The following ARHGAP6 variants were observed in gnomAD, a reference collection of about 807,000 sequenced individuals.
ARHGAP6 encodes the protein Rho GTPase activating protein 6, also known as rho GTPase-activating protein 6.
In ARHGAP6, 16 loss-of-function variants were observed where a neutral mutation model predicts 55.7. That is an observed-to-expected ratio of 0.29 (90% confidence interval 0.19 to 0.44). ARHGAP6 has a LOEUF of 0.44. Ranked by LOEUF, ARHGAP6 falls within the 20% of genes least tolerant of loss-of-function variation. The pLI, the probability that ARHGAP6 is intolerant of heterozygous loss-of-function variation, is 1.00. For synonymous variants in ARHGAP6, 382 were observed against 360.9 expected (o/e 1.06, Z -0.66); for missense variants, 698 against 808.9 (o/e 0.86, Z 1.66).
At chrX:11,475,907 G>C (rs1406096950) in intron 1 of ARHGAP6, among the ~76,000 whole-genome samples, 1 of 109,612 alleles carries the variant, frequency 9.1e-6, no homozygotes. Context: ...AAAACAATAG[G>C]AATGGGAAAA....
intron 1 of ARHGAP6, among the ~76,000 whole-genome samples, chrX:11,582,915 T>C (rs1268891169): frequency 9.0e-6 from 1 of 111,358 alleles, no homozygotes; most frequent in African/African-American, 3.3e-5. Context: ...AATAGAGCTA[T>C]AAAAGTTTTA....
chrX:11,543,995 A>G (rs1167493559), intron 1 of ARHGAP6, among the ~76,000 whole-genome samples: 3 of 112,651 alleles, frequency 2.7e-5, no homozygotes, highest in Non-Finnish European at 3.8e-5. Context: ...TGTACAAGGA[A>G]ATTGACTTAA....
chrX:11,566,782 A>G (rs985312433), intron 1 of ARHGAP6, among the ~76,000 whole-genome samples: 3 of 112,470 alleles, frequency 2.7e-5, no homozygotes, highest in Non-Finnish European at 5.6e-5. Context: ...AGGCCATGAG[A>G]GCAAAAAAGG....
chrX:11,216,530 G>A (rs1043224363), intron 2 of ARHGAP6, among the ~76,000 whole-genome samples: 9 of 111,605 alleles, frequency 8.1e-5, no homozygotes, highest in African/African-American at 2.0e-4. Flanking sequence ...GCATGTGCCT[G>A]TAATCCCAAC....
chrX:11,500,400 G>GC (rs111624938), intron 1 of ARHGAP6, among the ~76,000 whole-genome samples: 9,729 of 110,178 alleles, frequency 0.088, 512 homozygotes, highest in East Asian at 0.18. Context: ...GGTGACTCAC[G>GC]CTGTAATCCC....
chrX:11,176,249 A>C (rs2046213539), intron 8 of ARHGAP6, among the ~76,000 whole-genome samples: 2 of 67,957 alleles, frequency 2.9e-5, no homozygotes, highest in African/African-American at 9.8e-5. Flanking sequence ...ATATATATAT[A>C]TATATATATA....
In ARHGAP6 at chrX:11,254,599, A is replaced by G; in HGVS notation, c.697T>C (p.Tyr233His). 4 of 1,210,834 alleles carry G rather than the reference A, an allele frequency of 3.3e-6. No individual in the cohort carries two copies. Among genetic ancestry groups the G allele is most frequent in the Non-Finnish European group, 4.5e-6 (4 of 895,318 alleles). Residue 233 changes from tyrosine (Y) to histidine (H), a missense_variant, in exon 2 of 13, where the codon TAT becomes CAT. This residue lies in a region of ARHGAP6 where 322 missense variants were observed against 451.1 expected (regional missense o/e 0.71). Transcript: ENST00000337414. ...AGGTCACAGTCCTGTTGCAACTGAT[A>G]AAAAGCCACTTCCTGCAGCCGGGCC... The part of the protein sequence containing the change: ...ERARLQEVAF[Y>H]QLQQDCDLSC...
At chrX:11,338,157 C>G (rs2048663131) in intron 1 of ARHGAP6, among the ~76,000 whole-genome samples, 1 of 111,318 alleles carries the variant, frequency 9.0e-6, no homozygotes, top group African/African-American at 3.3e-5. Flanking sequence ...ACCATGCTGA[C>G]CGTCAAATGT....
chrX:11,230,767 CAT>C (rs1404816795), intron 2 of ARHGAP6, among the ~76,000 whole-genome samples: 1 of 110,205 alleles, frequency 9.1e-6, no homozygotes, highest in African/African-American at 3.3e-5. Flanking sequence ...CACACACACA[CAT>C]ATATATGACT....
At chrX:11,537,219 C>T (rs779621826) in intron 1 of ARHGAP6, among the ~76,000 whole-genome samples, 3 of 112,257 alleles carry the variant, frequency 2.7e-5, no homozygotes, top group East Asian at 5.6e-4. Flanking sequence ...AGATACTTTG[C>T]CTTAAGAGAC....
intron 1 of ARHGAP6, among the ~76,000 whole-genome samples, chrX:11,450,563 T>C (rs73500862): frequency 0.16 from 17,278 of 110,852 alleles, 1,538 homozygotes; most frequent in African/African-American, 0.33. Context: ...CTTCCAAGGC[T>C]GAACATCTCC....
rs765516039 is a variant in ARHGAP6 at position 11,139,141 on chromosome X, G to C, written c.2647C>G (p.Pro883Ala). 2 of 1,204,328 alleles carry C rather than the reference G, an allele frequency of 1.7e-6. No individual in the cohort carries two copies. The highest frequency in any genetic ancestry group is 2.2e-6 in the Non-Finnish European group (2 of 893,128). ...GCGGGCTTCCCTGGGCCCGGGTATG[G>C]AGGCGGGGGCCGCTTGTCATCCCTC... Reference protein sequence around the residue: ...SGRDDKRPPPPYPGPGKPAAA... With the variant: ...SGRDDKRPPPAYPGPGKPAAA... Residue 883 changes from proline to alanine, a missense_variant, in exon 13 of 13, where the codon CCA (proline) becomes GCA (alanine). By Grantham distance (27) the Pro-to-Ala change is conservative. Around this residue, in one of 3 missense-constraint regions of ARHGAP6, gnomAD observed 212 missense variants for 208.7 expected, o/e 1.02. Transcript: ENST00000337414.
intron 1 of ARHGAP6, among the ~76,000 whole-genome samples, chrX:11,516,392 A>G (rs1427493196): frequency 8.9e-6 from 1 of 111,753 alleles, no homozygotes; most frequent in East Asian, 2.8e-4. Flanking sequence ...CTCTATTCCC[A>G]TTAAACAACT....
chrX:11,570,057 G>A (rs1189713046), intron 1 of ARHGAP6, among the ~76,000 whole-genome samples: 1 of 111,986 alleles, frequency 8.9e-6, no homozygotes, highest in Non-Finnish European at 1.9e-5. Flanking sequence ...TTAGAATAAT[G>A]GGTCTTGGAT....
intron 1 of ARHGAP6, among the ~76,000 whole-genome samples, chrX:11,256,116 G>A (rs1056845371): frequency 1.8e-5 from 2 of 112,499 alleles, no homozygotes; most frequent in African/African-American, 6.5e-5. Context: ...TCGCCTGGAC[G>A]TGGTGGCTCA....
chrX:11,149,716 G>T (rs1199834961), intron 10 of ARHGAP6, among the ~76,000 whole-genome samples: 1 of 112,184 alleles, frequency 8.9e-6, no homozygotes. Context: ...AAGATTAAAA[G>T]AAATGATCTA....
chrX:11,563,056 G>C (rs2051404260), intron 1 of ARHGAP6, among the ~76,000 whole-genome samples: 1 of 111,287 alleles, frequency 9.0e-6, no homozygotes, highest in Non-Finnish European at 1.9e-5. Flanking sequence ...TTTTTTAAAA[G>C]AGACATAAGG....
chrX:11,338,969 G>T (rs1322114977), intron 1 of ARHGAP6, among the ~76,000 whole-genome samples: 1 of 111,673 alleles, frequency 9.0e-6, no homozygotes, highest in Non-Finnish European at 1.9e-5. Flanking sequence ...CTAAATGCTG[G>T]CACTCCTCAT....
At chrX:11,335,801 T>G in intron 1 of ARHGAP6, 1 of 271,311 alleles carries the variant, frequency 3.7e-6, no homozygotes, top group Admixed American at 4.2e-5. Flanking sequence ...CATTTCCACA[T>G]GGGCCCACAA....
Sources: allele counts gnomAD v4.1 joint callset (sites outside exome capture counted in the v4.1 genomes callset), GRCh38; gene constraint gnomAD v4.1.1; regional missense constraint gnomAD v4.1.1; transcripts MANE v1.5; gene names NCBI Gene and HGNC (gene_info 2026-07-23, HGNC 2026-07-21).